The following TRPA1 variants were observed in gnomAD, a reference collection of about 807,000 sequenced individuals.
TRPA1 encodes the protein ankyrin-like with transmembrane domains 1.
In TRPA1, 129 loss-of-function variants were observed where a neutral mutation model predicts 131.3. That is an observed-to-expected ratio of 0.98 (90% confidence interval 0.85 to 1.14). TRPA1 has a LOEUF of 1.14. Ranked by LOEUF, TRPA1 falls within the 50% of genes most tolerant of loss-of-function variation. TRPA1 has a pLI of 0.00. For missense variants in TRPA1, 1,304 were observed against 1,354.2 expected, an observed-to-expected ratio of 0.96 and a Z score of 0.58; for synonymous variants, 441 against 451.7, an observed-to-expected ratio of 0.98 and a Z score of 0.30.
At chr8:72,083,444 A>G in the TRPA1 span, among the ~76,000 whole-genome samples, 1 of 152,088 alleles carries the variant, frequency 6.6e-6, no homozygotes, top group Non-Finnish European at 1.5e-5. Context: ...ATTTTTAAAA[A>G]TATTTTCTGG....
Position 72,055,553 on chromosome 8 carries a change from T to C in TRPA1, c.1412A>G (p.Asp471Gly). 6.8e-6 allele frequency: 11 copies of C among 1,613,674 alleles called. No homozygotes were observed. The highest frequency in any genetic ancestry group is 9.3e-6 in the Non-Finnish European group (11 of 1,179,684). ...TCQRLLQDIS[D>G]TRLLNEGDLH... ...GTCACCTTCATTCAGAAGCCTCGTA[T>C]CACTTATGTCTTGTAGGAGCCTCTG... is the stretch of plus-strand genomic sequence containing the variant. Residue 471 changes from aspartate to glycine, a missense_variant, in exon 12 of 27, where the codon GAT becomes GGT. By Grantham distance (94) the Asp-to-Gly change is moderately conservative. Transcript: ENST00000262209.
At chr8:72,072,997 A>T (rs1202036702) in intron 1 of TRPA1, among the ~76,000 whole-genome samples, 1 of 152,194 alleles carries the variant, frequency 6.6e-6, no homozygotes, top group Non-Finnish European at 1.5e-5. Context: ...TCTGAAAGTA[A>T]GCCAAGGATG....
In TRPA1 at chr8:72,034,481, A is replaced by T. The variant is rs929943671; in HGVS notation, c.2556-104T>A. Reference sequence around the variant, plus strand: ...TTAAACCAGGTATTAGATTTCACAGATGAGATCACTGAGGCCAGTTATTTT... The same window carrying T: ...TTAAACCAGGTATTAGATTTCACAGTTGAGATCACTGAGGCCAGTTATTTT... On this transcript the variant is annotated intron_variant, in intron 21 of 26. Transcript: ENST00000262209. 13 of 696,580 alleles carry T rather than the reference A, an allele frequency of 1.9e-5. 1 individual carries two copies. In the Admixed American group the frequency reaches 4.1e-4, roughly 22 times the overall value. 43.1% of individuals were successfully genotyped at this position (696,580 alleles called of 1,614,324 possible). A position where few individuals can be genotyped will look rare whatever the true frequency, so the allele number is the denominator to read the frequency against.
chr8:72,057,077 T>C (rs888734963), intron 9 of TRPA1, 60 bp from the exon 10 acceptor site: 3 of 1,374,968 alleles, frequency 2.2e-6, no homozygotes, highest in East Asian at 2.5e-5. Context: ...AATGTTTACG[T>C]GGATTTTCAA....
At chr8:72,052,347 G>A (rs763392554) in intron 14 of TRPA1, among the ~76,000 whole-genome samples, 7 of 152,126 alleles carry the variant, frequency 4.6e-5, no homozygotes, top group Non-Finnish European at 8.8e-5. Flanking sequence ...GCTGAAGCCC[G>A]GGAGGCGGAG....
At chr8:72,028,518 G>A (rs1811685467) in intron 24 of TRPA1, among the ~76,000 whole-genome samples, 1 of 152,070 alleles carries the variant, frequency 6.6e-6, no homozygotes, top group Admixed American at 6.6e-5. Context: ...CCTCCATGTT[G>A]CATTCTCTTA....
At chr8:72,035,725 G>C (rs775444617) in intron 21 of TRPA1, among the ~76,000 whole-genome samples, 2 of 151,964 alleles carry the variant, frequency 1.3e-5, no homozygotes, top group Non-Finnish European at 2.9e-5. Context: ...AGTTCATTTT[G>C]AGTGTTTTAA....
At chr8:72,059,063 A>C (rs534357297) in intron 8 of TRPA1, among the ~76,000 whole-genome samples, 41 of 152,318 alleles carry the variant, frequency 2.7e-4, no homozygotes, top group Admixed American at 2.5e-3. Flanking sequence ...AAGAAGGGGC[A>C]CCGCCCAAGC....
chr8:72,063,612 C>A (rs1407043003), intron 4 of TRPA1, 41 bp from the exon 5 acceptor site: 26 of 1,387,076 alleles, frequency 1.9e-5, no homozygotes, highest in Non-Finnish European at 2.7e-5. Context: ...CCAGTTAAAC[C>A]CCAAATCGCA....
Position 72,055,425 on chromosome 8 carries a change from T to C in TRPA1, c.1529+11A>G. On this transcript the variant is annotated intron_variant, in intron 12 of 26. Coordinates refer to ENST00000262209, the MANE Select transcript of TRPA1 (RefSeq NM_007332.3). Reference sequence around the variant, plus strand: ...AGAAATTATATAAACACTCCAATCATATATCCTCACCTGAGAAACAATGCA... The same window carrying C: ...AGAAATTATATAAACACTCCAATCACATATCCTCACCTGAGAAACAATGCA... The C allele has an allele frequency of 1.2e-6, 2 of 1,610,492 alleles. No homozygotes were observed. Among genetic ancestry groups the C allele is most frequent in the South Asian group, 1.1e-5 (1 of 90,968 alleles).
rs369908098 is a variant in TRPA1, at chr8:72,055,429, T to A, written c.1529+7A>T. On this transcript the variant is annotated splice_region_variant and intron_variant, in intron 12 of 26. Coordinates refer to ENST00000262209, the MANE Select transcript of TRPA1 (RefSeq NM_007332.3). ...ATTATATAAACACTCCAATCATATA[T>A]CCTCACCTGAGAAACAATGCACCTT... The A allele has an allele frequency of 2.5e-6, 4 of 1,611,034 alleles. No homozygotes were observed. The South Asian group carries it at 4.4e-5, about 18-fold the overall frequency.
chr8:72,078,869 C>T (rs183873196), upstream of TRPA1, among the ~76,000 whole-genome samples: 59 of 152,124 alleles, frequency 3.9e-4, no homozygotes, highest in Admixed American at 5.2e-4. Context: ...TTTTATATGG[C>T]CTCCAGCAGT....
chr8:72,062,822 C>T lies in TRPA1; in HGVS notation c.784G>A (p.Gly262Ser), dbSNP rs1167079124. The change falls in exon 6 of 27, where the codon GGT (glycine) becomes AGT (serine). Residue 262 changes from glycine to serine, a missense_variant. Physicochemically the swap from Gly to Ser is moderately conservative, Grantham distance 56 (BLOSUM62 0). Transcript: ENST00000262209. ...ACCTCCACTGGGTCTATTTGTGCAC[C>T]ATTGTCCAGGCACATTTTGATCATT... ...LEMIKMCLDN[G>S]AQIDPVEKGR... The T allele has an allele frequency of 6.2e-7, 1 of 1,613,866 alleles. No individual in the cohort carries two copies.
At position 72,022,819 on chromosome 8, in the gene TRPA1, T is replaced by A. The variant is rs1811443887; in HGVS notation, c.*87A>T. The A allele has an allele frequency of 8.0e-7, 1 of 1,256,014 alleles. No homozygotes were observed. 77.8% of individuals were successfully genotyped at this position (1,256,014 alleles called of 1,614,324 possible). A position where few individuals can be genotyped will look rare whatever the true frequency, so the allele number is the denominator to read the frequency against. Reference sequence around the variant, plus strand: ...TCACACGCAGCAAAATGAATCATTCTGCTTCTTCCTCACTCTTTTTAAATT... The same window carrying A: ...TCACACGCAGCAAAATGAATCATTCAGCTTCTTCCTCACTCTTTTTAAATT... On this transcript the variant is annotated 3_prime_UTR_variant, in exon 27 of 27. Coordinates refer to ENST00000262209, the MANE Select transcript of TRPA1 (RefSeq NM_007332.3).
intron 18 of TRPA1, 142 bp downstream of exon 18, chr8:72,039,585 C>A: frequency 1.6e-6 from 1 of 610,792 alleles, no homozygotes; most frequent in Middle Eastern, 3.7e-4. Context: ...AGGGCATTTG[C>A]CTTACTTATT....
chr8:72,056,888 G>A, intron 10 of TRPA1, 29 bp downstream of exon 10: 1 of 1,502,366 alleles, frequency 6.7e-7, no homozygotes, highest in South Asian at 1.2e-5. Flanking sequence ...ACCCAACTCA[G>A]TTAATGGCAA....
At chr8:72,030,012 C>A (rs779826994) in intron 23 of TRPA1, 43 bp from the exon 24 acceptor site, 5 of 1,565,832 alleles carry the variant, frequency 3.2e-6, no homozygotes, top group Non-Finnish European at 4.4e-6. Flanking sequence ...TTGAATGGTC[C>A]ACCTAAAAAT....
In TRPA1 at chr8:72,059,526, G is replaced by A. The variant is rs554872891; in HGVS notation, c.945-88C>T. ...AATAAAGCTACTATATTCGGAAAGT[G>A]AATTTAACTAATCATAAAATAACAT... On this transcript the variant is annotated intron_variant, in intron 7 of 26. Coordinates refer to ENST00000262209, the MANE Select transcript of TRPA1 (RefSeq NM_007332.3). 1.2e-4 allele frequency: 93 copies of A among 770,248 alleles called. No homozygotes were observed. In the African/African-American group the frequency reaches 1.5e-3, roughly 12 times the overall value. The allele number at this position is 770,248 out of a possible 1,614,324, so 47.7% of individuals were successfully genotyped here.
At position 72,025,971 on chromosome 8, in the gene TRPA1, C is replaced by T. The variant is rs985314007; in HGVS notation, c.3040G>A (p.Gly1014Arg). 3 of 1,613,634 alleles carry T rather than the reference C, an allele frequency of 1.9e-6. No homozygotes were observed. The highest frequency in any genetic ancestry group is 2.5e-6 in the Non-Finnish European group (3 of 1,179,670). Reference sequence around the variant, plus strand: ...TTATGTGTACTTACGAATAACATCCCACCAGATCTGGGTTTGTTGGGATAC... The same window carrying T: ...TTATGTGTACTTACGAATAACATCCTACCAGATCTGGGTTTGTTGGGATAC... ...IVYPNKPRSGGMLFHIFCFLF... is the reference protein window; with the variant it reads ...IVYPNKPRSGRMLFHIFCFLF... The change falls in exon 25 of 27, where the codon GGG becomes AGG. Residue 1014 changes from glycine to arginine, a missense_variant. By Grantham distance (125) the Gly-to-Arg change is moderately radical. Coordinates refer to ENST00000262209, the MANE Select transcript of TRPA1 (RefSeq NM_007332.3).
Sources: allele counts gnomAD v4.1 joint callset (sites outside exome capture counted in the v4.1 genomes callset), GRCh38; gene constraint gnomAD v4.1.1; transcripts MANE v1.5; gene names NCBI Gene and HGNC (gene_info 2026-07-23, HGNC 2026-07-21).